KCNMB4: variants seen among roughly 807,000 people sequenced by gnomAD.
KCNMB4 encodes the protein potassium calcium-activated channel subfamily M regulatory beta subunit 4.
A neutral mutation model predicts 20.7 loss-of-function variants in KCNMB4; 3 were observed. The ratio of observed to expected loss-of-function variants is 0.14; its 90% CI spans 0.07 to 0.37. KCNMB4 has a LOEUF of 0.37. Ranked by LOEUF, KCNMB4 falls within the 10% of genes least tolerant of loss-of-function variation. The probability of loss-of-function intolerance (pLI) is 1.00; values close to 1 mark genes in which losing one functional copy is unlikely to be tolerated. For missense variants in KCNMB4, 168 were observed against 265.9 expected (o/e 0.63, Z 2.56); for synonymous variants, 110 against 113.4 (o/e 0.97, Z 0.19).
chr12:70,424,500 A>G (rs1380784443), intron 2 of KCNMB4, among the ~76,000 whole-genome samples: 2 of 150,862 alleles, frequency 1.3e-5, no homozygotes, highest in African/African-American at 2.4e-5. Context: ...CTGTAATCCC[A>G]GCAATTTGGG....
chr12:70,430,891 CTA>C lies in KCNMB4; in HGVS notation c.*240_*241del. The C allele has an allele frequency of 2.5e-6, 1 of 406,850 alleles. No homozygotes were observed. The highest frequency in any genetic ancestry group is 2.1e-5 in the African/African-American group (1 of 48,128). 25.2% of individuals were successfully genotyped at this position (406,850 alleles called of 1,614,324 possible). On this transcript the variant is annotated 3_prime_UTR_variant, in exon 3 of 3. Transcript: ENST00000258111. Reference sequence around the variant, plus strand: ...TCAAGATCTTAGCTGTATGGAGTAACTATTTCAGAAAACCCTATAAGAAGTTC... The same window carrying C: ...TCAAGATCTTAGCTGTATGGAGTAACTTTCAGAAAACCCTATAAGAAGTTC...
At chr12:70,376,271 C>T (rs1883685164) in intron 1 of KCNMB4, among the ~76,000 whole-genome samples, 1 of 151,808 alleles carries the variant, frequency 6.6e-6, no homozygotes, top group African/African-American at 2.4e-5. Context: ...AAGCTTTACC[C>T]CTAAGATCAA....
intron 1 of KCNMB4, among the ~76,000 whole-genome samples, chr12:70,377,060 A>G (rs966651815): frequency 2.0e-5 from 3 of 152,190 alleles, no homozygotes; most frequent in Non-Finnish European, 2.9e-5. Context: ...GGAAGACCCA[A>G]TATTGTTAAG....
chr12:70,422,963 C>A (rs1869106823), intron 2 of KCNMB4: 1 of 484,574 alleles, frequency 2.1e-6, no homozygotes, highest in Non-Finnish European at 2.9e-6. Flanking sequence ...TGGGCTGCAT[C>A]TGAAGGGACG....
intron 1 of KCNMB4, among the ~76,000 whole-genome samples, chr12:70,381,095 G>T (rs1192820272): frequency 1.4e-5 from 2 of 147,204 alleles, no homozygotes; most frequent in African/African-American, 4.9e-5. Flanking sequence ...GATGTGAATA[G>T]TTTTTTTTTT....
intron 2 of KCNMB4, among the ~76,000 whole-genome samples, chr12:70,406,680 G>C (rs1377357524): frequency 1.3e-5 from 2 of 152,068 alleles, no homozygotes; most frequent in Non-Finnish European, 2.9e-5. Context: ...CCTTCCATGT[G>C]CTGTCCTGAC....
At chr12:70,369,590 C>A (rs1162794356) in intron 1 of KCNMB4, among the ~76,000 whole-genome samples, 1 of 152,084 alleles carries the variant, frequency 6.6e-6, no homozygotes, top group Non-Finnish European at 1.5e-5. Context: ...CTTAGGAAAT[C>A]ACTTCTTAGA....
intron 2 of KCNMB4, among the ~76,000 whole-genome samples, chr12:70,425,307 G>A (rs1869181969): frequency 6.6e-6 from 1 of 151,824 alleles, no homozygotes; most frequent in Admixed American, 6.6e-5. Flanking sequence ...GTGTGGTGGT[G>A]GGCGCCTGTA....
chr12:70,368,924 G>A lies in KCNMB4; in HGVS notation c.336+1854G>A, dbSNP rs1424867676. ...GGGACGTTGATTTTTAAATTACCTAGAAGCAATCCCAATGCTTTATGTAAT... is the reference window on the plus strand; with the variant it reads ...GGGACGTTGATTTTTAAATTACCTAAAAGCAATCCCAATGCTTTATGTAAT... On this transcript the variant is annotated intron_variant, in intron 1 of 2. Coordinates refer to ENST00000258111, the MANE Select transcript of KCNMB4 (RefSeq NM_014505.6). 2.0e-5 allele frequency among the ~76,000 whole-genome samples: 3 copies of A among 152,142 alleles called. No individual in the cohort carries two copies. The East Asian group carries it at 5.8e-4, about 29-fold the overall frequency.
At chr12:70,400,137 T>C in intron 1 of KCNMB4, 72 bp from the exon 2 acceptor site, 2 of 1,204,382 alleles carry the variant, frequency 1.7e-6, no homozygotes, top group Non-Finnish European at 2.3e-6. Context: ...AATGCCATCT[T>C]TCTATAAAAA....
intron 2 of KCNMB4, among the ~76,000 whole-genome samples, chr12:70,420,047 A>AT (rs1869011201): frequency 6.6e-6 from 1 of 152,222 alleles, no homozygotes; most frequent in African/African-American, 2.4e-5. Context: ...TATAACTCAG[A>AT]TTGTAGATCT....
intron 1 of KCNMB4, among the ~76,000 whole-genome samples, chr12:70,378,048 C>A (rs1049396753): frequency 6.6e-6 from 1 of 150,926 alleles, no homozygotes; most frequent in Admixed American, 6.6e-5. Flanking sequence ...CTCGCGAGTT[C>A]AAGTGACTCT....
intron 2 of KCNMB4, among the ~76,000 whole-genome samples, chr12:70,401,757 G>C (rs1477828921): frequency 6.6e-6 from 1 of 151,668 alleles, no homozygotes; most frequent in African/African-American, 2.4e-5. Flanking sequence ...AGTCAGTGCT[G>C]GCTGTCAGCT....
At chr12:70,383,913 A>G (rs1194529241) in intron 1 of KCNMB4, among the ~76,000 whole-genome samples, 2 of 152,180 alleles carry the variant, frequency 1.3e-5, no homozygotes, top group East Asian at 3.9e-4. Context: ...TCCTAAAAAC[A>G]TAAAAATTAG....
intron 1 of KCNMB4, among the ~76,000 whole-genome samples, chr12:70,385,574 C>G (rs142714867): frequency 2.1e-3 from 319 of 152,260 alleles, no homozygotes; most frequent in African/African-American, 6.6e-3. Flanking sequence ...ATATGCTGAG[C>G]ATCTTCAACG....
chr12:70,413,116 T>G (rs775700032), intron 2 of KCNMB4, among the ~76,000 whole-genome samples: 2 of 152,186 alleles, frequency 1.3e-5, no homozygotes, highest in Non-Finnish European at 2.9e-5. Flanking sequence ...AAGCAGTGAT[T>G]GCTGTGGCTT....
rs1018675625 is a variant in KCNMB4, at chr12:70,430,718, G to A, written c.*65G>A. The stretch of plus-strand genomic sequence containing the variant: ...TACTCATCGGCACGCGTCCACCTGC[G>A]GAACCTGTGTTTCCTGGCGCAGGAG... On this transcript the variant is annotated 3_prime_UTR_variant, in exon 3 of 3. Coordinates refer to ENST00000258111, the MANE Select transcript of KCNMB4 (RefSeq NM_014505.6). 25 of 1,449,850 alleles carry A rather than the reference G, an allele frequency of 1.7e-5. No individual in the cohort carries two copies. The highest frequency in any genetic ancestry group is 2.4e-4 in the Middle Eastern group (1 of 4,138). 89.8% of individuals were successfully genotyped at this position (1,449,850 alleles called of 1,614,324 possible). A position where few individuals can be genotyped will look rare whatever the true frequency, so the allele number is the denominator to read the frequency against.
At chr12:70,416,512 T>C (rs1868916997) in intron 2 of KCNMB4, among the ~76,000 whole-genome samples, 1 of 152,218 alleles carries the variant, frequency 6.6e-6, no homozygotes, top group Admixed American at 6.5e-5. Context: ...TCTTTTTCAT[T>C]ACTCAAGTTT....
At chr12:70,372,979 A>G (rs1362697854) in intron 1 of KCNMB4, among the ~76,000 whole-genome samples, 1 of 152,202 alleles carries the variant, frequency 6.6e-6, no homozygotes, top group African/African-American at 2.4e-5. Flanking sequence ...GCAAGAAACA[A>G]AGCTATGAGC....
Sources: allele counts gnomAD v4.1 joint callset (sites outside exome capture counted in the v4.1 genomes callset), GRCh38; gene constraint gnomAD v4.1.1; transcripts MANE v1.5; gene names NCBI Gene and HGNC (gene_info 2026-07-23, HGNC 2026-07-21).